CCDC170: variants seen among roughly 807,000 people sequenced by gnomAD.
The protein encoded by CCDC170 is coiled-coil domain-containing protein 170.
A neutral mutation model predicts 72.6 loss-of-function variants in CCDC170; 69 were observed. The observed-to-expected ratio is 0.95, with a 90% CI of 0.78 to 1.16. The LOEUF is 1.16. Ranked by LOEUF, CCDC170 falls within the 50% of genes most tolerant of loss-of-function variation. The pLI is 0.00. For missense variants in CCDC170, 852 were observed against 832.5 expected (o/e 1.02, Z -0.29); for synonymous variants, 300 against 303.9 (o/e 0.99, Z 0.13).
chr6:151,593,400 A>G, intron 8 of CCDC170, 120 bp downstream of exon 8: 5 of 1,047,954 alleles, frequency 4.8e-6, no homozygotes, highest in Non-Finnish European at 6.7e-6. Context: ...TTATAAAAAT[A>G]TGTATTTAGA....
chr6:151,495,566 G>C (rs1015290692), intron 1 of CCDC170, among the ~76,000 whole-genome samples: 3 of 151,570 alleles, frequency 2.0e-5, no homozygotes, highest in African/African-American at 7.3e-5. Flanking sequence ...GCACGATCTC[G>C]GCTCGCCGCC....
At chr6:151,515,475 G>A (rs1782221979) in intron 1 of CCDC170, among the ~76,000 whole-genome samples, 2 of 152,162 alleles carry the variant, frequency 1.3e-5, no homozygotes, top group South Asian at 2.1e-4. Context: ...TAGAGACAGG[G>A]TCTCACCATA....
chr6:151,535,918 A>C (rs1453099483), intron 1 of CCDC170, among the ~76,000 whole-genome samples: 1 of 152,086 alleles, frequency 6.6e-6, no homozygotes, highest in Non-Finnish European at 1.5e-5. Context: ...CAAATTAAAA[A>C]AAATTTTTTT....
intron 5 of CCDC170, among the ~76,000 whole-genome samples, chr6:151,552,986 C>T (rs1782908853): frequency 1.3e-5 from 2 of 151,676 alleles, no homozygotes; most frequent in Admixed American, 6.6e-5. Context: ...GAGGTTTCAC[C>T]ATGTTGGCCA....
Position 151,618,172 on chromosome 6 carries a change from G to A in CCDC170, c.*25G>A, listed in dbSNP as rs749334492. 13 of 1,585,482 alleles carry A rather than the reference G, an allele frequency of 8.2e-6. No homozygotes were observed. The East Asian group carries it at 1.8e-4, about 22-fold the overall frequency. Reference sequence around the variant, plus strand: ...AACACTGTATCTCTTGAGAGAGGTGGCCATAAGACATGGCACACAATTCCC... The same window carrying A: ...AACACTGTATCTCTTGAGAGAGGTGACCATAAGACATGGCACACAATTCCC... On this transcript the variant is annotated 3_prime_UTR_variant, in exon 11 of 11. Transcript: ENST00000239374.
intron 5 of CCDC170, among the ~76,000 whole-genome samples, chr6:151,556,047 G>T (rs1486766988): frequency 6.6e-6 from 1 of 151,614 alleles, no homozygotes; most frequent in Admixed American, 6.6e-5. Flanking sequence ...GGAGTTCAAG[G>T]CCAACCTGGG....
At chr6:151,538,005 G>A in intron 2 of CCDC170, 40 bp from the exon 3 acceptor site, 1 of 1,489,770 alleles carries the variant, frequency 6.7e-7, no homozygotes, top group Non-Finnish European at 9.0e-7. Flanking sequence ...AACTTATGTT[G>A]TTAAGGTTTT....
At chr6:151,533,575 G>A (rs1471553195) in intron 1 of CCDC170, among the ~76,000 whole-genome samples, 2 of 151,692 alleles carry the variant, frequency 1.3e-5, no homozygotes, top group Non-Finnish European at 2.9e-5. Context: ...GCTGAGGCAG[G>A]AGAATCGCTT....
intron 4 of CCDC170, among the ~76,000 whole-genome samples, chr6:151,546,407 C>T (rs909036668): frequency 6.6e-6 from 1 of 152,334 alleles, no homozygotes; most frequent in Non-Finnish European, 1.5e-5. Context: ...CTATCGGACA[C>T]AATCTCCAGG....
rs567081511 is a variant in CCDC170 at position 151,526,069 on chromosome 6, GTCCT to G, written c.58-10227_58-10224del. Among the ~76,000 whole-genome samples, 612 of 144,232 alleles carry G rather than the reference GTCCT, an allele frequency of 4.2e-3. 5 individuals are homozygous for G. Among genetic ancestry groups the G allele is most frequent in the African/African-American group, 0.016 (538 of 34,598 alleles). 94.6% of individuals were successfully genotyped at this position (144,232 alleles called of 152,430 possible). On this transcript the variant is annotated intron_variant, in intron 1 of 10. Coordinates refer to ENST00000239374, the MANE Select transcript of CCDC170 (RefSeq NM_025059.4). The stretch of plus-strand genomic sequence containing the variant: ...ATCATTGCTTCCAGATCTGGTACCA[GTCCT>G]TCCTTCCTTCCTTCCTTCCTTTCTT...
chr6:151,540,072 G>A (rs1412859944), intron 3 of CCDC170, among the ~76,000 whole-genome samples: 1 of 152,164 alleles, frequency 6.6e-6, no homozygotes, highest in Admixed American at 6.6e-5. Flanking sequence ...TGTAACAGCA[G>A]CATCCCACTC....
intron 9 of CCDC170, among the ~76,000 whole-genome samples, chr6:151,604,516 T>C (rs1183186092): frequency 6.6e-6 from 1 of 152,202 alleles, no homozygotes; most frequent in African/African-American, 2.4e-5. Context: ...TCTATAACAC[T>C]GTAGGATGAC....
intron 1 of CCDC170, among the ~76,000 whole-genome samples, chr6:151,503,232 GACAA>G (rs148448044): frequency 0.017 from 2,510 of 151,728 alleles, 58 homozygotes; most frequent in African/African-American, 0.057. Flanking sequence ...TAAACAAATA[GACAA>G]ACAAGGTAAT....
At chr6:151,509,943 T>A (rs1358678688) in intron 1 of CCDC170, among the ~76,000 whole-genome samples, 1 of 151,986 alleles carries the variant, frequency 6.6e-6, no homozygotes, top group Non-Finnish European at 1.5e-5. Flanking sequence ...GCCAACATAG[T>A]GAAACTCCGT....
intron 1 of CCDC170, among the ~76,000 whole-genome samples, chr6:151,505,287 C>T (rs911786796): frequency 2.0e-5 from 3 of 152,164 alleles, no homozygotes; most frequent in Non-Finnish European, 4.4e-5. Context: ...GGCGGCATCT[C>T]AGCACTGGTC....
At chr6:151,613,515 A>G (rs373637472) in intron 9 of CCDC170, among the ~76,000 whole-genome samples, 1 of 152,176 alleles carries the variant, frequency 6.6e-6, no homozygotes, top group Non-Finnish European at 1.5e-5. Context: ...TGTACCCATA[A>G]GTGGTTGCTC....
At chr6:151,574,905 C>G (rs185716568) in intron 6 of CCDC170, among the ~76,000 whole-genome samples, 182 of 152,306 alleles carry the variant, frequency 1.2e-3, no homozygotes, top group Middle Eastern at 6.8e-3. Flanking sequence ...GCCTCTCCTT[C>G]TTCCTCCTTC....
Position 151,494,047 on chromosome 6 carries a change from C to G in CCDC170, c.-82C>G. 5 of 1,348,198 alleles carry G rather than the reference C, an allele frequency of 3.7e-6. No individual in the cohort carries two copies. Among genetic ancestry groups the G allele is most frequent in the Non-Finnish European group, 4.8e-6 (5 of 1,037,026 alleles). 83.5% of individuals were successfully genotyped at this position (1,348,198 alleles called of 1,614,324 possible). On this transcript the variant is annotated 5_prime_UTR_variant, in exon 1 of 11. Coordinates refer to ENST00000239374, the MANE Select transcript of CCDC170 (RefSeq NM_025059.4). ...GTTTACCCGTTGCCCGAGGAGACACCCGCGCCACCCGCCGGCTCCCGGCGC... is the reference window on the plus strand; with the variant it reads ...GTTTACCCGTTGCCCGAGGAGACACGCGCGCCACCCGCCGGCTCCCGGCGC...
rs201833176 is a variant in CCDC170 at position 151,615,718 on chromosome 6, T to C, written c.1947+39T>C. 1,072 of 1,405,062 alleles carry C rather than the reference T, an allele frequency of 7.6e-4. 5 individuals carry two copies. The highest frequency in any genetic ancestry group is 2.0e-3 in the South Asian group (170 of 83,072). The allele number at this position is 1,405,062 out of a possible 1,614,324, so 87.0% of individuals were successfully genotyped here. On this transcript the variant is annotated intron_variant, in intron 10 of 10. Transcript: ENST00000239374. Reference sequence around the variant, plus strand: ...TGGTGATGAAACCTTGTTTAGGAAATGACAGGACAATTCAAGAGCTTGATA... The same window carrying C: ...TGGTGATGAAACCTTGTTTAGGAAACGACAGGACAATTCAAGAGCTTGATA...
Sources: allele counts gnomAD v4.1 joint callset (sites outside exome capture counted in the v4.1 genomes callset), GRCh38; gene constraint gnomAD v4.1.1; transcripts MANE v1.5; gene names NCBI Gene and HGNC (gene_info 2026-07-23, HGNC 2026-07-21).